Variants in TBRG4 observed in about 807,000 individuals in gnomAD.
TBRG4 encodes the protein transforming growth factor beta regulator 4, also known as FAST kinase domain-containing protein 4.
TBRG4 carries 43 observed loss-of-function variants against 65.6 expected under a neutral mutation model. That is an observed-to-expected ratio of 0.66 (90% confidence interval 0.51 to 0.85). The LOEUF is 0.85. Among genes scored for constraint, TBRG4 ranks in the 40% least tolerant of loss-of-function variants. The pLI, the probability that TBRG4 is intolerant of heterozygous loss-of-function variation, is 0.00. For synonymous variants in TBRG4, 366 were observed against 341.4 expected (o/e 1.07, Z -0.79); for missense variants, 709 against 787.9 (o/e 0.90, Z 1.20).
At chr7:45,104,825 C>G in intron 3 of TBRG4, 116 bp from the exon 4 acceptor site, 1 of 1,475,670 alleles carries the variant, frequency 6.8e-7, no homozygotes, top group Non-Finnish European at 9.3e-7. Context: ...CCCTGTCAGA[C>G]TGGGCCTGAG....
chr7:45,101,422 G>GGA, intron 9 of TBRG4, 50 bp from the exon 10 acceptor site: 1 of 1,606,118 alleles, frequency 6.2e-7, no homozygotes, highest in Non-Finnish European at 8.5e-7. Flanking sequence ...CCAGCCCCTC[G>GGA]GAGGGGAAAG....
chr7:45,103,934 A>T (rs1484938162), intron 5 of TBRG4, 165 bp downstream of exon 5: 2 of 956,132 alleles, frequency 2.1e-6, no homozygotes, highest in Non-Finnish European at 3.0e-6. Flanking sequence ...CTTTTTTGAG[A>T]ACTGAATAGC....
At position 45,102,360 on chromosome 7, in the gene TBRG4, G is replaced by A. The variant is rs146350249; in HGVS notation, c.1308C>T (p.His436=). The part of the protein sequence containing the change: ...ELQAVLHPEF[H]IQFLGGKSQK... ...CAGGGGGCTCACCTAGAAATTGGAT[G>A]TGAAATTCAGGGTGGAGGACGGCTT... Residue 436 remains histidine (H), a synonymous_variant, in exon 7 of 11, where the codon CAC becomes CAT. Transcript: ENST00000258770. 6.2e-6 allele frequency: 10 copies of A among 1,614,132 alleles called. No individual in the cohort carries two copies. The highest frequency in any genetic ancestry group is 3.3e-5 in the Admixed American group (2 of 60,014).
chr7:45,110,252 T>C (rs1785086603), intron 1 of TBRG4, among the ~76,000 whole-genome samples: 1 of 152,208 alleles, frequency 6.6e-6, no homozygotes, highest in Non-Finnish European at 1.5e-5. Flanking sequence ...CTTACAGGGC[T>C]TGTTATCTGG....
Position 45,108,830 on chromosome 7 carries a change from A to T in TBRG4, c.408T>A (p.Ser136Arg), listed in dbSNP as rs747061790. The change falls in exon 2 of 11, where the codon AGT (serine) becomes AGA (arginine). Residue 136 changes from serine (S) to arginine (R), a missense_variant. Ser to Arg is a moderately radical substitution (Grantham distance 110). Coordinates refer to ENST00000258770, the MANE Select transcript of TBRG4 (RefSeq NM_004749.4). ...CAGACCACACTCCGGCACCCACCTG[A>T]CTGTTGAGCAGACAGAGAAGTTGAT... ...HFHQLLCLLN[S>R]QIASVWHGTL... The T allele has an allele frequency of 6.5e-7, 1 of 1,528,970 alleles. No individual in the cohort carries two copies. The highest frequency in any genetic ancestry group is 2.3e-5 in the East Asian group (1 of 44,104). 94.7% of individuals were successfully genotyped at this position (1,528,970 alleles called of 1,614,324 possible). A position where few individuals can be genotyped will look rare whatever the true frequency, so the allele number is the denominator to read the frequency against.
In TBRG4 at chr7:45,102,452, G is replaced by A; in HGVS notation, c.1216C>T (p.Pro406Ser). The A allele has an allele frequency of 6.2e-7, 1 of 1,613,076 alleles. No individual in the cohort carries two copies. Among genetic ancestry groups the A allele is most frequent in the East Asian group, 2.2e-5 (1 of 44,886 alleles). The change falls in exon 7 of 11, where the codon CCA (proline) becomes TCA (serine). Residue 406 changes from proline (P) to serine (S), a missense_variant. Physicochemically the swap from Pro to Ser is moderately conservative, Grantham distance 74 (BLOSUM62 -1). Coordinates refer to ENST00000258770, the MANE Select transcript of TBRG4 (RefSeq NM_004749.4). The stretch of plus-strand genomic sequence containing the variant: ...CACACCAGGTCCACCTGCAGGGCTG[G>A]CTCCAGGCCTGGCAGCTCTGACCCC... Reference protein sequence around the residue: ...KLGSELPGLEPALQVDLVWAL... With the variant: ...KLGSELPGLESALQVDLVWAL...
chr7:45,104,085 A>G lies in TBRG4; in HGVS notation c.1065+14T>C. ...AAGCCAGCTTCTCTGAGTTGGGGCCAGGCCCTGGCTCACCTGGGCAAAGGC... is the reference window on the plus strand; with the variant it reads ...AAGCCAGCTTCTCTGAGTTGGGGCCGGGCCCTGGCTCACCTGGGCAAAGGC... On this transcript the variant is annotated intron_variant, in intron 5 of 10. Transcript: ENST00000258770. The G allele has an allele frequency of 6.3e-7, 1 of 1,584,758 alleles. No homozygotes were observed. The highest frequency in any genetic ancestry group is 8.6e-7 in the Non-Finnish European group (1 of 1,165,680).
At chr7:45,107,828 T>C (rs1215806144) in intron 2 of TBRG4, 5 of 153,564 alleles carry the variant, frequency 3.3e-5, no homozygotes, top group African/African-American at 7.2e-5. Flanking sequence ...ATTAGAATTG[T>C]AGCCAAATAA....
chr7:45,107,637 T>C lies in TBRG4; in HGVS notation c.411+1190A>G, dbSNP rs1428158924. 2.8e-4 allele frequency: 43 copies of C among 154,366 alleles called. No individual in the cohort carries two copies. The Admixed American group carries it at 2.8e-3, about 10-fold the overall frequency. 9.6% of individuals were successfully genotyped at this position (154,366 alleles called of 1,614,324 possible). A position where few individuals can be genotyped will look rare whatever the true frequency, so the allele number is the denominator to read the frequency against. On this transcript the variant is annotated intron_variant, in intron 2 of 10. Coordinates refer to ENST00000258770, the MANE Select transcript of TBRG4 (RefSeq NM_004749.4). Reference sequence around the variant, plus strand: ...AGGAGGGAGAAAGTACTGGAGTAAATTCTAATCTTACAGAAGATCTGGGTG... The same window carrying C: ...AGGAGGGAGAAAGTACTGGAGTAAACTCTAATCTTACAGAAGATCTGGGTG...
chr7:45,104,080 G>A lies in TBRG4; in HGVS notation c.1065+19C>T, dbSNP rs1784857521. The A allele has an allele frequency of 2.5e-6, 4 of 1,574,490 alleles. No individual in the cohort carries two copies. The highest frequency in any genetic ancestry group is 3.4e-6 in the Non-Finnish European group (4 of 1,160,638). On this transcript the variant is annotated intron_variant, in intron 5 of 10. Coordinates refer to ENST00000258770, the MANE Select transcript of TBRG4 (RefSeq NM_004749.4). ...CCAGGAAGCCAGCTTCTCTGAGTTG[G>A]GGCCAGGCCCTGGCTCACCTGGGCA...
chr7:45,106,985 G>A (rs3757571), intron 2 of TBRG4: 57,588 of 151,884 alleles, frequency 0.38, 12,986 homozygotes, highest in African/African-American at 0.63. Flanking sequence ...CCAGGGACGC[G>A]GCACCCAAGC....
chr7:45,102,598 G>C, intron 6 of TBRG4, 107 bp from the exon 7 acceptor site: 1 of 1,446,224 alleles, frequency 6.9e-7, no homozygotes, highest in Middle Eastern at 2.6e-4. Context: ...GTTGGGATGA[G>C]GCCAGAGGAG....
At chr7:45,105,991 CCT>C (rs1295486155) in intron 2 of TBRG4, 1 of 742,538 alleles carries the variant, frequency 1.3e-6, no homozygotes, top group African/African-American at 1.7e-5. Flanking sequence ...CAAATTTATC[CCT>C]GAGCCTGGGA....
Position 45,100,135 on chromosome 7 carries a change from C to T in TBRG4, c.*190G>A. The stretch of plus-strand genomic sequence containing the variant: ...GAGGGTGACCAAGCCTGGGAAGGCC[C>T]CAGGGGTCCAACACCAAAATTAAAG... On this transcript the variant is annotated 3_prime_UTR_variant, in exon 11 of 11. Coordinates refer to ENST00000258770, the MANE Select transcript of TBRG4 (RefSeq NM_004749.4). 1.8e-6 allele frequency: 1 copy of T among 555,572 alleles called. No homozygotes were observed. The highest frequency in any genetic ancestry group is 3.2e-6 in the Non-Finnish European group (1 of 314,078). The allele number at this position is 555,572 out of a possible 1,614,324, so 34.4% of individuals were successfully genotyped here.
chr7:45,103,565 C>A (rs754311005), intron 5 of TBRG4, 122 bp from the exon 6 acceptor site: 80 of 742,046 alleles, frequency 1.1e-4, no homozygotes, highest in Non-Finnish European at 1.7e-4. Flanking sequence ...GACCCTCCAT[C>A]CAGGGCCCAT....
intron 1 of TBRG4, among the ~76,000 whole-genome samples, chr7:45,110,276 C>A (rs558504680): frequency 4.3e-4 from 65 of 152,210 alleles, no homozygotes; most frequent in Non-Finnish European, 6.8e-4. Flanking sequence ...TCCTCCTCCC[C>A]CTATAAGACC....
At position 45,101,505 on chromosome 7, in the gene TBRG4, C is replaced by G; in HGVS notation, c.1677G>C (p.Lys559Asn). 1 of 1,613,174 alleles carries G rather than the reference C, an allele frequency of 6.2e-7. No individual in the cohort carries two copies. The highest frequency in any genetic ancestry group is 8.5e-7 in the Non-Finnish European group (1 of 1,179,636). Reference sequence around the variant, plus strand: ...CCAACAGGTCCCTGGCCACCTACCTCTTAGACCCTGGAGGTGGTGACTGGC... The same window carrying G: ...CCAACAGGTCCCTGGCCACCTACCTGTTAGACCCTGGAGGTGGTGACTGGC... ...TGSQSPPPGS[K>N]RLAFLRWEFP... Residue 559 changes from lysine to asparagine, a missense_variant and splice_region_variant, in exon 9 of 11, where the codon AAG becomes AAC. Coordinates refer to ENST00000258770, the MANE Select transcript of TBRG4 (RefSeq NM_004749.4).
In TBRG4 at chr7:45,104,135, C is replaced by T. The variant is rs1364880489; in HGVS notation, c.1029G>A (p.Lys343=). 83 of 1,613,160 alleles carry T rather than the reference C, an allele frequency of 5.1e-5. No homozygotes were observed. Among genetic ancestry groups the T allele is most frequent in the Non-Finnish European group, 7.0e-5 (82 of 1,179,694 alleles). Residue 343 remains lysine, a synonymous_variant, in exon 5 of 11, where the codon AAG becomes AAA. Transcript: ENST00000258770. ...AHCAKSFALL[K]WLSLPLFEAF... ...CCTCAAACAGGGGCAGGCTGAGCCACTTGAGTAAGGCGAAGGACTTGGCAC... is the reference window on the plus strand; with the variant it reads ...CCTCAAACAGGGGCAGGCTGAGCCATTTGAGTAAGGCGAAGGACTTGGCAC...
intron 2 of TBRG4, 113 bp from the exon 3 acceptor site, chr7:45,105,877 G>A (rs1378863350): frequency 1.6e-6 from 2 of 1,255,222 alleles, no homozygotes; most frequent in African/African-American, 3.0e-5. Context: ...ACTCTTCAGA[G>A]AAGACAGTAT....
Sources: gnomAD v4.1 joint callset for allele counts (sites outside exome capture counted in the v4.1 genomes callset) on GRCh38, gnomAD v4.1.1 for gene constraint, MANE v1.5 for transcripts, NCBI Gene and HGNC (gene_info 2026-07-23, HGNC 2026-07-21) for gene names.